VCAN: variants seen among roughly 807,000 people sequenced by gnomAD.
VCAN encodes versican core protein.
In VCAN, 44 loss-of-function variants were observed where a neutral mutation model predicts 245.5. The ratio of observed to expected loss-of-function variants is 0.18; its 90% CI spans 0.14 to 0.23. The LOEUF is 0.23. Among genes scored for constraint, VCAN ranks in the 10% least tolerant of loss-of-function variants. The probability of loss-of-function intolerance (pLI) is 1.00; values close to 1 mark genes in which losing one functional copy is unlikely to be tolerated. For missense variants in VCAN, 3,793 were observed against 4,057.9 expected, an observed-to-expected ratio of 0.93 and a Z score of 1.77; for synonymous variants, 1,413 against 1,437.0, an observed-to-expected ratio of 0.98 and a Z score of 0.38.
rs934864734 is a variant in VCAN at position 83,563,436 on chromosome 5, C to T, written c.9735+8398C>T. ...GGATAAAAAAGTCATTTTAAAGGTA[C>T]CAAATGTTTTGATTTCTGTAATAAG... On this transcript the variant is annotated intron_variant, in intron 12 of 14. Coordinates refer to ENST00000265077, the MANE Select transcript of VCAN (RefSeq NM_004385.5). 3.9e-5 allele frequency among the ~76,000 whole-genome samples: 6 copies of T among 152,094 alleles called. No homozygotes were observed. In the South Asian group the frequency reaches 6.2e-4, roughly 16 times the overall value.
intron 5 of VCAN, among the ~76,000 whole-genome samples, chr5:83,496,164 T>C (rs902079221): frequency 6.6e-6 from 1 of 152,206 alleles, no homozygotes; most frequent in Non-Finnish European, 1.5e-5. Context: ...AGTCTGCTCA[T>C]AGTATCATAA....
intron 10 of VCAN, among the ~76,000 whole-genome samples, chr5:83,551,021 C>G (rs943684129): frequency 2.7e-5 from 4 of 145,792 alleles, no homozygotes; most frequent in African/African-American, 1.0e-4. Context: ...TTAGATAGTA[C>G]AAATAAATGC....
At chr5:83,506,981 G>A (rs1005496870) in intron 5 of VCAN, among the ~76,000 whole-genome samples, 3 of 152,126 alleles carry the variant, frequency 2.0e-5, no homozygotes, top group Admixed American at 6.5e-5. Flanking sequence ...GTACCTTCCC[G>A]TGGGTCCCTT....
intron 9 of VCAN, among the ~76,000 whole-genome samples, chr5:83,546,603 A>AAG: frequency 6.6e-6 from 1 of 151,544 alleles, no homozygotes; most frequent in South Asian, 2.1e-4. Context: ...AAAAAAAAAA[A>AAG]AAAATTAACC....
In VCAN at chr5:83,493,586, A is replaced by T; in HGVS notation, c.486A>T (p.Thr162=). ...ACAGGGCGGCAACCAGCAGGTACAC[A>T]CTGAATTTTGAGGCTGCTCAGAAGG... ...FHYRAATSRY[T]LNFEAAQKAC... is the part of the protein sequence containing the mutation. The change falls in exon 4 of 15, where the codon ACA becomes ACT. Residue 162 remains threonine (T), a synonymous_variant. Transcript: ENST00000265077. 6.2e-7 allele frequency: 1 copy of T among 1,613,864 alleles called. No individual in the cohort carries two copies.
chr5:83,502,267 C>T (rs192287429), intron 5 of VCAN, among the ~76,000 whole-genome samples: 3 of 152,118 alleles, frequency 2.0e-5, no homozygotes, highest in Non-Finnish European at 4.4e-5. Context: ...GACATAAACT[C>T]CTTGAAGCAT....
Position 83,490,130 on chromosome 5 carries a change from T to A in VCAN, c.103T>A (p.Ser35Thr). The part of the protein sequence containing the change: ...KVGKSPPVRG[S>T]LSGKVSLPCH... ...GGGAAAAAGCCCACCGGTGAGGGGC[T>A]CCCTCTCTGGAAAAGTCAGCCTACC... Residue 35 changes from serine (S) to threonine (T), a missense_variant, in exon 3 of 15, where the codon TCC becomes ACC. Coordinates refer to ENST00000265077, the MANE Select transcript of VCAN (RefSeq NM_004385.5). 6.2e-7 allele frequency: 1 copy of A among 1,614,126 alleles called. No individual in the cohort carries two copies. Among genetic ancestry groups the A allele is most frequent in the East Asian group, 2.2e-5 (1 of 44,870 alleles).
chr5:83,532,561 T>C (rs1746561852), intron 7 of VCAN, among the ~76,000 whole-genome samples: 1 of 151,952 alleles, frequency 6.6e-6, no homozygotes, highest in Non-Finnish European at 1.5e-5. Flanking sequence ...TTCAAACTGA[T>C]ATTAAGAAAT....
intron 5 of VCAN, among the ~76,000 whole-genome samples, chr5:83,499,347 C>T (rs1018705538): frequency 2.0e-5 from 3 of 152,184 alleles, no homozygotes; most frequent in African/African-American, 4.8e-5. Context: ...CTATATGTTT[C>T]CCAACTGCAA....
Position 83,580,031 on chromosome 5 carries a change from T to C in VCAN, c.9932T>C (p.Met3311Thr), listed in dbSNP as rs776892379. 2.3e-5 allele frequency: 37 copies of C among 1,614,032 alleles called. No homozygotes were observed. Among genetic ancestry groups the C allele is most frequent in the Non-Finnish European group, 3.1e-5 (36 of 1,180,008 alleles). ...GAAAATGCCAAGACCTTTGGAAAGA[T>C]GAAACCTCGTTATGAAATCAACTCC... ...VVENAKTFGK[M>T]KPRYEINSLI... The change falls in exon 14 of 15, where the codon ATG becomes ACG. Residue 3311 changes from methionine (M) to threonine (T), a missense_variant. Transcript: ENST00000265077.
intron 5 of VCAN, among the ~76,000 whole-genome samples, chr5:83,509,587 T>A (rs1745590925): frequency 6.6e-6 from 1 of 152,222 alleles, no homozygotes; most frequent in African/African-American, 2.4e-5. Context: ...ACTTGTTACT[T>A]AAGAGGAATG....
Position 83,540,470 on chromosome 5 carries a change from G to T in VCAN, c.7467G>T (p.Leu2489=), listed in dbSNP as rs926879526. 8.7e-6 allele frequency: 14 copies of T among 1,613,842 alleles called. No individual in the cohort carries two copies. The highest frequency in any genetic ancestry group is 1.2e-5 in the Non-Finnish European group (14 of 1,179,936). ...ADGFPTVSVM[L]PLHSEQNKSS... ...GATTCCCAACAGTTTCAGTGATGCT[G>T]CCTCTTCATTCAGAGCAGAACAAAA... The change falls in exon 8 of 15, where the codon CTG becomes CTT. Residue 2489 remains leucine, a synonymous_variant. Transcript: ENST00000265077.
intron 11 of VCAN, among the ~76,000 whole-genome samples, chr5:83,554,168 T>C (rs989416524): frequency 6.6e-6 from 1 of 152,232 alleles, no homozygotes; most frequent in Non-Finnish European, 1.5e-5. Flanking sequence ...AATTTGTTGC[T>C]CATAAAGCAT....
intron 12 of VCAN, among the ~76,000 whole-genome samples, chr5:83,571,291 C>T (rs994224059): frequency 6.6e-6 from 1 of 152,110 alleles, no homozygotes; most frequent in African/African-American, 2.4e-5. Context: ...CTTGAATAGG[C>T]ACAGCGACTA....
rs1746874208 is a variant in VCAN, at chr5:83,539,445, A to G, written c.6442A>G (p.Thr2148Ala). The G allele has an allele frequency of 6.2e-7, 1 of 1,613,358 alleles. No individual in the cohort carries two copies. The highest frequency in any genetic ancestry group is 1.7e-5 in the Admixed American group (1 of 59,832). ...TIFDSQTFTE[T>A]ELKTTDYSVL... ...CTTTGATTCACAGACATTTACTGAA[A>G]CTGAACTCAAAACCACAGATTATTC... The change falls in exon 8 of 15, where the codon ACT becomes GCT. Residue 2148 changes from threonine (T) to alanine (A), a missense_variant. Physicochemically the swap from Thr to Ala is moderately conservative, Grantham distance 58. Around this residue, in one of 5 missense-constraint regions of VCAN, gnomAD observed 3,182 missense variants for 3,250.3 expected, o/e 0.98. Transcript: ENST00000265077.
intron 12 of VCAN, among the ~76,000 whole-genome samples, chr5:83,565,424 T>C (rs1323739691): frequency 1.0e-5 from 1 of 97,022 alleles, no homozygotes; most frequent in Non-Finnish European, 2.3e-5. Context: ...TGTGTGTGTG[T>C]GTATGTGTGA....
chr5:83,567,135 C>G (rs1228111922), intron 12 of VCAN, among the ~76,000 whole-genome samples: 1 of 151,816 alleles, frequency 6.6e-6, no homozygotes, highest in African/African-American at 2.4e-5. Context: ...TATTACAGAC[C>G]TGGAGAACTA....
chr5:83,547,081 T>C (rs74428068), intron 9 of VCAN, among the ~76,000 whole-genome samples: 1 of 152,222 alleles, frequency 6.6e-6, no homozygotes, highest in Non-Finnish European at 1.5e-5. Context: ...CAGAAGGCAT[T>C]TGAATGACAG....
At chr5:83,564,273 T>C (rs1415565693) in intron 12 of VCAN, among the ~76,000 whole-genome samples, 1 of 152,196 alleles carries the variant, frequency 6.6e-6, no homozygotes, top group Non-Finnish European at 1.5e-5. Context: ...TTAAGTGGTG[T>C]AGCCGTTAAT....
Sources: allele counts gnomAD v4.1 joint callset (sites outside exome capture counted in the v4.1 genomes callset), GRCh38; gene constraint gnomAD v4.1.1; regional missense constraint gnomAD v4.1.1; transcripts MANE v1.5; gene names NCBI Gene and HGNC (gene_info 2026-07-23, HGNC 2026-07-21).